CAD: variants seen among roughly 807,000 people sequenced by gnomAD.
CAD encodes multifunctional protein CAD.
CAD carries 81 observed loss-of-function variants against 237.2 expected under a neutral mutation model. That is an observed-to-expected ratio of 0.34 (90% confidence interval 0.29 to 0.41). CAD has a LOEUF of 0.41. Among genes scored for constraint, CAD ranks in the 10% least tolerant of loss-of-function variants. The pLI, the probability that CAD is intolerant of heterozygous loss-of-function variation, is 1.00. For missense variants in CAD, 2,181 were observed against 2,951.7 expected (o/e 0.74, Z 6.05); for synonymous variants, 1,196 against 1,162.8 (o/e 1.03, Z -0.58).
At chr2:27,226,467 T>A (rs1675447896) in intron 13 of CAD, 58 bp from the exon 14 acceptor site, 1 of 1,592,566 alleles carries the variant, frequency 6.3e-7, no homozygotes, top group South Asian at 1.1e-5. Flanking sequence ...CTCTCCTTTC[T>A]GAGACCTCTC....
At chr2:27,238,988 C>A in intron 31 of CAD, 54 bp from the exon 32 acceptor site, 3 of 1,488,578 alleles carry the variant, frequency 2.0e-6, no homozygotes, top group Non-Finnish European at 1.8e-6. Context: ...GTGTGAGTGA[C>A]TTCCTAGACA....
Position 27,237,338 on chromosome 2 carries a change from C to T in CAD, c.4397-41C>T, listed in dbSNP as rs1244069329. ...CATGTCCAGCTCACCCTTCCTATTT[C>T]TGAATCTTCCTGTAATCTTGCTGCT... On this transcript the variant is annotated intron_variant, in intron 27 of 43. Coordinates refer to ENST00000264705, the MANE Select transcript of CAD (RefSeq NM_004341.5). This position sits in a 1 kb window ranked among gnomAD's most constrained non-coding sequence, Gnocchi z 4.0. 3.1e-6 allele frequency: 5 copies of T among 1,605,794 alleles called. No homozygotes were observed. The highest frequency in any genetic ancestry group is 1.7e-4 in the Middle Eastern group (1 of 6,058).
At position 27,223,979 on chromosome 2, in the gene CAD, T is replaced by G; in HGVS notation, c.1058T>G (p.Phe353Cys). 6.2e-7 allele frequency: 1 copy of G among 1,614,080 alleles called. No homozygotes were observed. Among genetic ancestry groups the G allele is most frequent in the Non-Finnish European group, 8.5e-7 (1 of 1,179,952 alleles). ...PSDMELLFDI[F>C]LETVKEATAG... ...GATATGGAACTGCTTTTCGATATCTTTCTGGAAACTGTGAAAGAGGCCACA... is the reference window on the plus strand; with the variant it reads ...GATATGGAACTGCTTTTCGATATCTGTCTGGAAACTGTGAAAGAGGCCACA... Residue 353 changes from phenylalanine to cysteine, a missense_variant, in exon 8 of 44, where the codon TTT becomes TGT. This residue lies in a region of CAD where 129 missense variants were observed against 143.3 expected (regional missense o/e 0.90). Transcript: ENST00000264705.
chr2:27,224,160 C>A, intron 8 of CAD, 131 bp downstream of exon 8: 1 of 910,888 alleles, frequency 1.1e-6, no homozygotes, highest in Non-Finnish European at 1.7e-6. Context: ...GGGTGGCAAC[C>A]AACCCAAGAT....
intron 7 of CAD, 71 bp from the exon 8 acceptor site, chr2:27,223,846 C>A: frequency 6.5e-7 from 1 of 1,544,518 alleles, no homozygotes; most frequent in Non-Finnish European, 8.9e-7. Context: ...CCCTGTCCCA[C>A]TACCCACCTC....
intron 9 of CAD, 78 bp from the exon 10 acceptor site, chr2:27,224,667 A>T: frequency 6.3e-7 from 1 of 1,581,158 alleles, no homozygotes; most frequent in East Asian, 2.2e-5. Flanking sequence ...GAGGGAAAGA[A>T]GAGGAGAATG....
intron 4 of CAD, 62 bp downstream of exon 4, chr2:27,222,398 A>G (rs1675216862): frequency 1.9e-6 from 3 of 1,585,706 alleles, no homozygotes; most frequent in Admixed American, 1.7e-5. Flanking sequence ...TCTGCCCACA[A>G]TTGGGGGGTG....
intron 2 of CAD, 135 bp from the exon 3 acceptor site, chr2:27,221,083 C>T: frequency 1.7e-6 from 1 of 582,418 alleles, no homozygotes; most frequent in Non-Finnish European, 2.7e-6. Flanking sequence ...AATACCTATG[C>T]AAAAGCACCA....
chr2:27,220,536 A>C (rs1054739515), intron 2 of CAD, among the ~76,000 whole-genome samples: 1 of 151,808 alleles, frequency 6.6e-6, no homozygotes, highest in Non-Finnish European at 1.5e-5. Context: ...TGTGGTCCCA[A>C]CTACTCAGGA....
Position 27,237,633 on chromosome 2 carries a change from G to T in CAD, c.4564-85G>T. On this transcript the variant is annotated intron_variant, in intron 28 of 43. Transcript: ENST00000264705. This position sits in a 1 kb window ranked among gnomAD's most constrained non-coding sequence, Gnocchi z 4.0. The stretch of plus-strand genomic sequence containing the variant: ...CCCTGAGCCCTTTTCCTTCTGCCCC[G>T]CCCTATGGGCCCAGGCCACTGGTGC... 2 of 1,571,734 alleles carry T rather than the reference G, an allele frequency of 1.3e-6. No homozygotes were observed. The highest frequency in any genetic ancestry group is 1.7e-6 in the Non-Finnish European group (2 of 1,156,218).
In CAD at chr2:27,241,916, G is replaced by A. The variant is rs1178456125; in HGVS notation, c.5889G>A (p.Lys1963=). The change falls in exon 39 of 44, where the codon AAG becomes AAA. Residue 1963 remains lysine (K), a synonymous_variant. Transcript: ENST00000264705. This position sits in a 1 kb window ranked among gnomAD's most constrained non-coding sequence, Gnocchi z 4.6. ...CCATCTTGCTCTTTCCCTAGGGGAA[G>A]GTCATGGCCTCCATGTTCTATGAAG... ...KERSLDILKG[K]VMASMFYEVS... The A allele has an allele frequency of 6.2e-7, 1 of 1,611,746 alleles. No individual in the cohort carries two copies. Among genetic ancestry groups the A allele is most frequent in the Non-Finnish European group, 8.5e-7 (1 of 1,178,508 alleles).
At position 27,243,664 on chromosome 2, in the gene CAD, C is replaced by A; in HGVS notation, c.*146C>A. On this transcript the variant is annotated 3_prime_UTR_variant, in exon 44 of 44. Coordinates refer to ENST00000264705, the MANE Select transcript of CAD (RefSeq NM_004341.5). ...CCACACTTCAGGCTCTGGACTGGAGCTCTCTGGCATGGGGGTGGGGCCTCA... is the reference window on the plus strand; with the variant it reads ...CCACACTTCAGGCTCTGGACTGGAGATCTCTGGCATGGGGGTGGGGCCTCA... The A allele has an allele frequency of 1.5e-6, 1 of 673,102 alleles. No homozygotes were observed. 41.7% of individuals were successfully genotyped at this position (673,102 alleles called of 1,614,324 possible). A position where few individuals can be genotyped will look rare whatever the true frequency, so the allele number is the denominator to read the frequency against.
In CAD at chr2:27,239,771, A is replaced by G; in HGVS notation, c.5469A>G (p.Ser1823=). 1 of 1,576,122 alleles carries G rather than the reference A, an allele frequency of 6.3e-7. No individual in the cohort carries two copies. Among genetic ancestry groups the G allele is most frequent in the South Asian group, 1.2e-5 (1 of 85,830 alleles). Residue 1823 remains serine, a synonymous_variant, in exon 34 of 44, where the codon TCA becomes TCG. Transcript: ENST00000264705. This position sits in a 1 kb window ranked among gnomAD's most constrained non-coding sequence, Gnocchi z 4.0. ...GGGCTGTTCCTCAGCTCCCACCCTC[A>G]GCCCCTGCCACTAGTGAGATGACCA... is the stretch of plus-strand genomic sequence containing the variant. ...PQGAVPQLPP[S]APATSEMTTT... is the part of the protein sequence containing the mutation.
At chr2:27,220,812 G>C (rs1160615681) in intron 2 of CAD, among the ~76,000 whole-genome samples, 2 of 152,016 alleles carry the variant, frequency 1.3e-5, no homozygotes, top group Non-Finnish European at 2.9e-5. Flanking sequence ...CAAAAAATTA[G>C]CCGGGTGTGG....
At chr2:27,231,659 C>T (rs1572438230) in intron 16 of CAD, 79 bp downstream of exon 16, 1 of 857,378 alleles carries the variant, frequency 1.2e-6, no homozygotes, top group South Asian at 1.5e-5. Context: ...AGCTTGTTAC[C>T]AGTAACACTA....
At chr2:27,234,938 C>G (rs1360093058) in intron 23 of CAD, among the ~76,000 whole-genome samples, 1 of 152,186 alleles carries the variant, frequency 6.6e-6, no homozygotes, top group East Asian at 1.9e-4. Flanking sequence ...AAACAGAATG[C>G]TGCAGGAGTT....
rs1676346282 is a variant in CAD at position 27,242,079 on chromosome 2, G to A, written c.6052G>A (p.Ala2018Thr). Residue 2018 changes from alanine (A) to threonine (T), a missense_variant, in exon 39 of 44, where the codon GCC becomes ACC. By Grantham distance (58) the Ala-to-Thr change is moderately conservative (BLOSUM62 0). Around this residue, in one of 12 missense-constraint regions of CAD, gnomAD observed 203 missense variants for 284.5 expected, o/e 0.71. Coordinates refer to ENST00000264705, the MANE Select transcript of CAD (RefSeq NM_004341.5). The surrounding 1 kb of genome is among the most constrained non-coding windows in gnomAD (Gnocchi z 6.4). ...CTCCGTGCAGACCATGAGCTGCTAT[G>A]CCGACGTCGTCGTGCTCCGGCACCC... ...ADSVQTMSCY[A>T]DVVVLRHPQP... The A allele has an allele frequency of 1.2e-6, 2 of 1,613,122 alleles. No individual in the cohort carries two copies. Among genetic ancestry groups the A allele is most frequent in the Non-Finnish European group, 8.5e-7 (1 of 1,180,040 alleles).
In CAD at chr2:27,233,013, G is replaced by A. The variant is rs752942419; in HGVS notation, c.2893-29G>A. 2.8e-6 allele frequency: 4 copies of A among 1,446,628 alleles called. No homozygotes were observed. The South Asian group carries it at 4.6e-5, about 17-fold the overall frequency. 89.6% of individuals were successfully genotyped at this position (1,446,628 alleles called of 1,614,324 possible). A position where few individuals can be genotyped will look rare whatever the true frequency, so the allele number is the denominator to read the frequency against. On this transcript the variant is annotated intron_variant, in intron 18 of 43. Coordinates refer to ENST00000264705, the MANE Select transcript of CAD (RefSeq NM_004341.5). This position sits in a 1 kb window ranked among gnomAD's most constrained non-coding sequence, Gnocchi z 6.3. ...TCCACGATTTTCCTCCCACCTGACT[G>A]CTAAGTACCCTTCCCCTCCCTCTTG...
At position 27,233,178 on chromosome 2, in the gene CAD, C is replaced by G; in HGVS notation, c.2991+38C>G. ...GAGGCTTCCTGGTAGCTTGAGTGGCCAGGGTCGAGTAGAACAGCTGGCTGA... is the reference window on the plus strand; with the variant it reads ...GAGGCTTCCTGGTAGCTTGAGTGGCGAGGGTCGAGTAGAACAGCTGGCTGA... On this transcript the variant is annotated intron_variant, in intron 19 of 43. Transcript: ENST00000264705. The surrounding 1 kb of genome is among the most constrained non-coding windows in gnomAD (Gnocchi z 6.3). 6.5e-7 allele frequency: 1 copy of G among 1,537,884 alleles called. No homozygotes were observed. Among genetic ancestry groups the G allele is most frequent in the Non-Finnish European group, 9.0e-7 (1 of 1,110,884 alleles).
Sources: allele counts gnomAD v4.1 joint callset (sites outside exome capture counted in the v4.1 genomes callset), GRCh38; gene constraint gnomAD v4.1.1; regional missense constraint gnomAD v4.1.1; non-coding constraint Gnocchi (gnomAD v3.1); transcripts MANE v1.5; gene names NCBI Gene and HGNC (gene_info 2026-07-23, HGNC 2026-07-21).